The following CCNT1 variants were observed in gnomAD, a reference collection of about 807,000 sequenced individuals.
The protein encoded by CCNT1 is cyclin T1.
Under a neutral mutation model 67.3 loss-of-function variants are expected in CCNT1, and 18 were observed. The observed-to-expected ratio is 0.27, with a 90% CI of 0.18 to 0.40. The LOEUF (loss-of-function observed/expected upper bound fraction) is 0.40. Among genes scored for constraint, CCNT1 ranks in the 10% least tolerant of loss-of-function variants. The pLI, the probability that CCNT1 is intolerant of heterozygous loss-of-function variation, is 1.00. For missense variants in CCNT1, 744 were observed against 884.9 expected (o/e 0.84, Z 2.02); for synonymous variants, 333 against 310.3 (o/e 1.07, Z -0.77).
Position 48,691,122 on chromosome 12 carries a change from C to T in CCNT1, c.*1911G>A, listed in dbSNP as rs990417839. ...ATTTACAGGTCAACAGAGAGCTCCT[C>T]GTTTTATACCCAGCAATGGCAGGAA... On this transcript the variant is annotated 3_prime_UTR_variant, in exon 9 of 9. Transcript: ENST00000261900. 6.6e-6 allele frequency: 1 copy of T among 152,172 alleles called. No individual in the cohort carries two copies. Among genetic ancestry groups the T allele is most frequent in the Admixed American group, 6.5e-5 (1 of 15,278 alleles). The allele number at this position is 152,172 out of a possible 1,614,324, so 9.4% of individuals were successfully genotyped here.
chr12:48,701,788 T>C (rs1469249115), intron 3 of CCNT1, among the ~76,000 whole-genome samples: 1 of 151,494 alleles, frequency 6.6e-6, no homozygotes, highest in African/African-American at 2.4e-5. Flanking sequence ...GTATTTTTAG[T>C]AGAGACGAGG....
At chr12:48,697,974 C>T (rs1940204251) in intron 6 of CCNT1, 164 bp downstream of exon 6, 2 of 467,286 alleles carry the variant, frequency 4.3e-6, no homozygotes, top group East Asian at 3.3e-5. Flanking sequence ...TAAATAATTA[C>T]ATAACCTTAG....
rs1369199508 is a variant in CCNT1 at position 48,691,501 on chromosome 12, G to C, written c.*1532C>G. 9 of 152,108 alleles carry C rather than the reference G, an allele frequency of 5.9e-5. No homozygotes were observed. The allele number at this position is 152,108 out of a possible 1,614,324, so 9.4% of individuals were successfully genotyped here. ...GATCTCTGGCTAGGTAGTTTTCAGT[G>C]GTTAGACAACTAACTTAGAATTCTT... On this transcript the variant is annotated 3_prime_UTR_variant, in exon 9 of 9. Transcript: ENST00000261900.
intron 8 of CCNT1, 115 bp downstream of exon 8, chr12:48,695,644 G>A (rs917741272): frequency 1.5e-5 from 10 of 676,688 alleles, no homozygotes; most frequent in Non-Finnish European, 2.4e-5. Flanking sequence ...TGATTACTGT[G>A]TAACTATAAA....
Position 48,693,941 on chromosome 12 carries a change from G to A in CCNT1, c.1273C>T (p.Leu425Phe), listed in dbSNP as rs1328580715. 1.9e-6 allele frequency: 3 copies of A among 1,614,028 alleles called. No homozygotes were observed. The highest frequency in any genetic ancestry group is 4.5e-5 in the East Asian group (2 of 44,902). Residue 425 changes from leucine to phenylalanine, a missense_variant, in exon 9 of 9, where the codon CTC (leucine) becomes TTC (phenylalanine). Leu to Phe is a conservative substitution (Grantham distance 22, BLOSUM62 0). Coordinates refer to ENST00000261900, the MANE Select transcript of CCNT1 (RefSeq NM_001240.4). ...GAATGGCTATCATGATGAGAAAGGAGATTCTGGGCAGCATATGCATATTGT... is the reference window on the plus strand; with the variant it reads ...GAATGGCTATCATGATGAGAAAGGAAATTCTGGGCAGCATATGCATATTGT... ...KSQYAYAAQN[L>F]LSHHDSHSSV... is the part of the protein sequence containing the mutation.
chr12:48,703,987 T>C (rs940935508), intron 3 of CCNT1, among the ~76,000 whole-genome samples: 3 of 152,148 alleles, frequency 2.0e-5, no homozygotes, highest in Non-Finnish European at 4.4e-5. Flanking sequence ...CTAGAAATTA[T>C]CTAGACTTCT....
At chr12:48,698,217 AG>A in intron 5 of CCNT1, 34 bp from the exon 6 acceptor site, 1 of 1,383,774 alleles carries the variant, frequency 7.2e-7, no homozygotes, top group Non-Finnish European at 9.9e-7. Context: ...GGGGTGGGGG[AG>A]GAAAAAAGTT....
chr12:48,701,087 G>A lies in CCNT1; in HGVS notation c.373-14C>T. The A allele has an allele frequency of 1.3e-6, 2 of 1,537,364 alleles. No homozygotes were observed. The highest frequency in any genetic ancestry group is 8.9e-7 in the Non-Finnish European group (1 of 1,124,098). On this transcript the variant is annotated splice_polypyrimidine_tract_variant and intron_variant, in intron 3 of 8. Transcript: ENST00000261900. The stretch of plus-strand genomic sequence containing the variant: ...TTGCAAATAAGCCTAAAAGTGAGAA[G>A]ACAGAAATTATTCCCTACAAAGGCA...
chr12:48,715,694 C>A, intron 1 of CCNT1, among the ~76,000 whole-genome samples: 1 of 152,048 alleles, frequency 6.6e-6, no homozygotes, highest in East Asian at 1.9e-4. Context: ...AACTCCTGAC[C>A]TCAGGTGATC....
Position 48,691,177 on chromosome 12 carries a change from G to A in CCNT1, c.*1856C>T, listed in dbSNP as rs1640236165. The A allele has an allele frequency of 6.6e-6, 1 of 152,180 alleles. No homozygotes were observed. The highest frequency in any genetic ancestry group is 1.5e-5 in the Non-Finnish European group (1 of 68,028). The allele number at this position is 152,180 out of a possible 1,614,324, so 9.4% of individuals were successfully genotyped here. A position where few individuals can be genotyped will look rare whatever the true frequency, so the allele number is the denominator to read the frequency against. ...AGACAGTTCAAATATGCAAGATGCAGGGCACTAACCCACCGTCAGTTAACG... is the reference window on the plus strand; with the variant it reads ...AGACAGTTCAAATATGCAAGATGCAAGGCACTAACCCACCGTCAGTTAACG... On this transcript the variant is annotated 3_prime_UTR_variant, in exon 9 of 9. Coordinates refer to ENST00000261900, the MANE Select transcript of CCNT1 (RefSeq NM_001240.4).
At position 48,693,699 on chromosome 12, in the gene CCNT1, C is replaced by T; in HGVS notation, c.1515G>A (p.Glu505=). The change falls in exon 9 of 9, where the codon GAG becomes GAA. Residue 505 remains glutamate, a synonymous_variant. Transcript: ENST00000261900. ...SVEDSVTKSR[E]HKEKHKTHPS... ...GGTGAGTCTTGTGCTTTTCTTTGTG[C>T]TCTCGGCTCTTTGTAACACTGTCCT... 1.2e-6 allele frequency: 2 copies of T among 1,614,080 alleles called. No individual in the cohort carries two copies. Among genetic ancestry groups the T allele is most frequent in the African/African-American group, 1.3e-5 (1 of 75,014 alleles).
intron 2 of CCNT1, 44 bp from the exon 3 acceptor site, chr12:48,705,940 A>T: frequency 6.3e-7 from 1 of 1,575,244 alleles, no homozygotes; most frequent in Non-Finnish European, 8.6e-7. Context: ...CAATTTATTC[A>T]TTCATAGAGT....
intron 2 of CCNT1, among the ~76,000 whole-genome samples, chr12:48,711,109 C>T (rs867915267): frequency 2.0e-5 from 3 of 151,432 alleles, no homozygotes; most frequent in Middle Eastern, 3.2e-3. Flanking sequence ...AGGCTGGACG[C>T]GGTGGCTCAC....
At chr12:48,704,344 A>C (rs1298704204) in intron 3 of CCNT1, among the ~76,000 whole-genome samples, 1 of 152,222 alleles carries the variant, frequency 6.6e-6, no homozygotes, top group Non-Finnish European at 1.5e-5. Flanking sequence ...CCACCTGAGC[A>C]CTGCCTCTTG....
rs1205232506 is a variant in CCNT1, at chr12:48,697,522, TA to T, written c.542+615del. 3.4e-4 allele frequency among the ~76,000 whole-genome samples: 40 copies of T among 116,796 alleles called. 1 individual carries two copies. Among genetic ancestry groups the T allele is most frequent in the African/African-American group, 8.1e-4 (24 of 29,474 alleles). The allele number at this position is 116,796 out of a possible 152,430, so 76.6% of individuals were successfully genotyped here. On this transcript the variant is annotated intron_variant, in intron 6 of 8. Coordinates refer to ENST00000261900, the MANE Select transcript of CCNT1 (RefSeq NM_001240.4). The stretch of plus-strand genomic sequence containing the variant: ...TGGTAGACAGAGTGAGACTCTGTCT[TA>T]AAAAAAAAAAAATATATATATATAT...
chr12:48,689,526 G>A lies in CCNT1; in HGVS notation c.*3507C>T, dbSNP rs755083656. The A allele has an allele frequency of 2.6e-5, 4 of 152,136 alleles. No individual in the cohort carries two copies. Among genetic ancestry groups the A allele is most frequent in the East Asian group, 1.9e-4 (1 of 5,198 alleles). 9.4% of individuals were successfully genotyped at this position (152,136 alleles called of 1,614,324 possible). A position where few individuals can be genotyped will look rare whatever the true frequency, so the allele number is the denominator to read the frequency against. On this transcript the variant is annotated 3_prime_UTR_variant, in exon 9 of 9. Coordinates refer to ENST00000261900, the MANE Select transcript of CCNT1 (RefSeq NM_001240.4). ...GTCACTGAAAGCTTACTGGAACCTC[G>A]GAGGGCTATTTCTCACCATTTGATG...
In CCNT1 at chr12:48,694,116, C is replaced by T. The variant is rs35678179; in HGVS notation, c.1098G>A (p.Gln366=). 31,794 of 1,614,148 alleles carry T rather than the reference C, an allele frequency of 0.02. 395 individuals are homozygous for T. Among genetic ancestry groups the T allele is most frequent in the Non-Finnish European group, 0.023 (26,718 of 1,180,024 alleles). Residue 366 remains glutamine (Q), a synonymous_variant, in exon 9 of 9, where the codon CAG becomes CAA. Transcript: ENST00000261900. ...ALTGVDHSLP[Q]DGSNAFISQK... ...GGGAAATAAATGCATTTGAACCATC[C>T]TGTGGTAAGGAATGATCAACTCCTG... is the stretch of plus-strand genomic sequence containing the variant.
rs922687178 is a variant in CCNT1 at position 48,701,896 on chromosome 12, G to A, written c.373-823C>T. Among the ~76,000 whole-genome samples the A allele has an allele frequency of 4.6e-5, 7 of 151,154 alleles. No individual in the cohort carries two copies. The East Asian group carries it at 7.8e-4, about 17-fold the overall frequency. ...GCTGGGATTACAGGCGTGAGCCACC[G>A]CACCCGGCCTTTTTTTTTGAGAGGG... On this transcript the variant is annotated intron_variant, in intron 3 of 8. Coordinates refer to ENST00000261900, the MANE Select transcript of CCNT1 (RefSeq NM_001240.4).
chr12:48,695,001 T>G (rs1224987206), intron 8 of CCNT1, among the ~76,000 whole-genome samples: 2 of 152,188 alleles, frequency 1.3e-5, no homozygotes, highest in East Asian at 3.9e-4. Flanking sequence ...TTTTTGTATT[T>G]TTAGTAGAGA....
Sources: gnomAD v4.1 joint callset for allele counts (sites outside exome capture counted in the v4.1 genomes callset) on GRCh38, gnomAD v4.1.1 for gene constraint, MANE v1.5 for transcripts, NCBI Gene and HGNC (gene_info 2026-07-23, HGNC 2026-07-21) for gene names.